The following WDFY4 variants were observed in gnomAD, a reference collection of about 807,000 sequenced individuals.
WDFY4 encodes WDFY family member 4.
Under a neutral mutation model 351.9 loss-of-function variants are expected in WDFY4, and 169 were observed. The observed-to-expected ratio is 0.48, with a 90% confidence interval of 0.42 to 0.55. The LOEUF is 0.55. Among genes scored for constraint, WDFY4 ranks in the 20% least tolerant of loss-of-function variants. The pLI, the probability that WDFY4 is intolerant of heterozygous loss-of-function variation, is 0.00. For missense variants in WDFY4, 3,803 were observed against 3,935.6 expected (o/e 0.97, Z 0.90); for synonymous variants, 1,622 against 1,574.6 (o/e 1.03, Z -0.71).
chr10:48,936,795 G>A (rs775062121), intron 47 of WDFY4, among the ~76,000 whole-genome samples: 13 of 145,300 alleles, frequency 8.9e-5, no homozygotes, highest in African/African-American at 3.1e-4. Flanking sequence ...CCGAGATCGC[G>A]CCACTGCACT....
rs1283941812 is a variant in WDFY4, at chr10:48,982,808, A to G, written c.*233A>G. On this transcript the variant is annotated 3_prime_UTR_variant, in exon 62 of 62. Transcript: ENST00000325239. ...CGGAGGGCTGAGCAGCACGCTGGAA[A>G]CTGTGACTTGGTGATGCCCAGCTGC... 6.9e-6 allele frequency: 4 copies of G among 582,092 alleles called. No individual in the cohort carries two copies. The East Asian group carries it at 1.6e-4, about 23-fold the overall frequency. The allele number at this position is 582,092 out of a possible 1,614,324, so 36.1% of individuals were successfully genotyped here.
chr10:48,880,082 G>A (rs1425944799), intron 43 of WDFY4, among the ~76,000 whole-genome samples: 1 of 152,206 alleles, frequency 6.6e-6, no homozygotes, highest in East Asian at 1.9e-4. Flanking sequence ...TGGAATATGA[G>A]CACCACTCAG....
chr10:48,778,549 CTG>C, intron 17 of WDFY4, 60 bp from the exon 18 acceptor site: 1 of 1,493,850 alleles, frequency 6.7e-7, no homozygotes, highest in East Asian at 2.5e-5. Flanking sequence ...CATAGTGAAT[CTG>C]AACATGCATG....
intron 53 of WDFY4, among the ~76,000 whole-genome samples, chr10:48,963,540 A>G (rs775384754): frequency 2.6e-5 from 4 of 152,074 alleles, no homozygotes; most frequent in Non-Finnish European, 4.4e-5. Flanking sequence ...TTCCATTTAG[A>G]TGTCTTTCCC....
intron 13 of WDFY4, among the ~76,000 whole-genome samples, chr10:48,761,083 G>A (rs559006935): frequency 6.6e-6 from 1 of 152,288 alleles, no homozygotes; most frequent in African/African-American, 2.4e-5. Flanking sequence ...AAGGGTTGGA[G>A]GTCAGGGAAG....
intron 39 of WDFY4, among the ~76,000 whole-genome samples, chr10:48,851,952 T>C (rs1204177643): frequency 6.6e-6 from 1 of 152,282 alleles, no homozygotes; most frequent in Non-Finnish European, 1.5e-5. Flanking sequence ...CAAACAGCTC[T>C]TAGAGGCCCT....
chr10:48,884,463 C>T (rs1036225589), intron 43 of WDFY4: 3 of 152,166 alleles, frequency 2.0e-5, no homozygotes, highest in Non-Finnish European at 4.4e-5. Context: ...TTCCCTTATC[C>T]TTACACATGC....
chr10:48,820,178 G>A, intron 32 of WDFY4, 56 bp from the exon 33 acceptor site: 3 of 1,533,998 alleles, frequency 2.0e-6, no homozygotes, highest in Non-Finnish European at 2.7e-6. Context: ...ACAGGTTGGT[G>A]GGAAAGAGCT....
At chr10:48,976,315 C>T (rs954641449) in intron 58 of WDFY4, among the ~76,000 whole-genome samples, 8 of 152,210 alleles carry the variant, frequency 5.3e-5, no homozygotes, top group Non-Finnish European at 1.2e-4. Context: ...GGAAATTTCT[C>T]CTTAGAAATT....
At chr10:48,938,939 G>A (rs947625619) in intron 47 of WDFY4, among the ~76,000 whole-genome samples, 27 of 152,150 alleles carry the variant, frequency 1.8e-4, no homozygotes, top group African/African-American at 6.3e-4. Context: ...GCCCAATAAG[G>A]CCAGGCCGGG....
chr10:48,840,227 AC>A (rs1222522505), intron 39 of WDFY4, among the ~76,000 whole-genome samples: 1 of 152,086 alleles, frequency 6.6e-6, no homozygotes, highest in Admixed American at 6.6e-5. Context: ...CGTGCTTCCT[AC>A]GCCACACCCA....
chr10:48,947,703 C>T (rs1334299716), intron 51 of WDFY4, among the ~76,000 whole-genome samples: 1 of 152,156 alleles, frequency 6.6e-6, no homozygotes, highest in Non-Finnish European at 1.5e-5. Flanking sequence ...CCCTCTTCCC[C>T]TCACAACCCT....
rs115030707 is a variant in WDFY4 at position 48,940,504 on chromosome 10, C to G, written c.7587-1302C>G. On this transcript the variant is annotated intron_variant, in intron 47 of 61. Transcript: ENST00000325239. Reference sequence around the variant, plus strand: ...TGGGAATGTGAAGCAGCACTGTCCCCCTGGGACACACGGGCAGCCAGGCCT... The same window carrying G: ...TGGGAATGTGAAGCAGCACTGTCCCGCTGGGACACACGGGCAGCCAGGCCT... Among the ~76,000 whole-genome samples the G allele has an allele frequency of 3.2e-3, 484 of 152,280 alleles. 7 individuals are homozygous for G. The highest frequency in any genetic ancestry group is 0.011 in the African/African-American group (462 of 41,560).
chr10:48,690,080 G>C (rs775690951), intron 1 of WDFY4, among the ~76,000 whole-genome samples: 10 of 152,232 alleles, frequency 6.6e-5, no homozygotes, highest in Non-Finnish European at 1.2e-4. Flanking sequence ...GTATGACAGT[G>C]GTTCTTCCCT....
intron 47 of WDFY4, among the ~76,000 whole-genome samples, chr10:48,908,020 T>C (rs1837711299): frequency 6.6e-6 from 1 of 152,214 alleles, no homozygotes; most frequent in African/African-American, 2.4e-5. Context: ...ATCTGATCCC[T>C]GGCCATTCTG....
At chr10:48,965,811 A>ATATAGATTATATCTGTATCAGT (rs1842052186) in intron 54 of WDFY4, among the ~76,000 whole-genome samples, 1 of 152,264 alleles carries the variant, frequency 6.6e-6, no homozygotes, top group Non-Finnish European at 1.5e-5. Flanking sequence ...TATCAGTTAG[A>ATATAGATTATATCTGTATCAGT]TATAGATTAT....
chr10:48,790,313 C>T (rs1300493020), intron 22 of WDFY4, among the ~76,000 whole-genome samples: 1 of 152,220 alleles, frequency 6.6e-6, no homozygotes, highest in Non-Finnish European at 1.5e-5. Context: ...GTGAAAACTG[C>T]TGGTCACCAT....
Position 48,721,228 on chromosome 10 carries a change from G to A in WDFY4, c.350-33G>A, listed in dbSNP as rs369302093. On this transcript the variant is annotated intron_variant, in intron 3 of 61. Transcript: ENST00000325239. ...GGAGGGGAAGCTGAGTGGGCAGGTCGCTGTATGCCCTGCTGGTGACACTTT... is the reference window on the plus strand; with the variant it reads ...GGAGGGGAAGCTGAGTGGGCAGGTCACTGTATGCCCTGCTGGTGACACTTT... The A allele has an allele frequency of 4.6e-6, 7 of 1,537,910 alleles. 1 individual carries two copies. Among genetic ancestry groups the A allele is most frequent in the Middle Eastern group, 3.4e-4 (2 of 5,948 alleles).
intron 2 of WDFY4, among the ~76,000 whole-genome samples, chr10:48,711,177 T>C (rs546627620): frequency 3.9e-5 from 6 of 152,334 alleles, no homozygotes; most frequent in Non-Finnish European, 7.3e-5. Context: ...TAGAATCTTG[T>C]TGGGAACACG....
Sources: gnomAD v4.1 joint callset for allele counts (sites outside exome capture counted in the v4.1 genomes callset) on GRCh38, gnomAD v4.1.1 for gene constraint, MANE v1.5 for transcripts, NCBI Gene and HGNC (gene_info 2026-07-23, HGNC 2026-07-21) for gene names.